RAB7B: variants seen among roughly 807,000 people sequenced by gnomAD.
The protein encoded by RAB7B is ras-related protein Rab-7b.
In RAB7B at chr1:205,993,381, G is replaced by A. The variant is rs1660757756; in HGVS notation, c.180+39C>T. 30 of 398,372 alleles carry A rather than the reference G, an allele frequency of 7.5e-5. No homozygotes were observed. In the East Asian group the frequency reaches 1.1e-3, roughly 14 times the overall value. 24.7% of individuals were successfully genotyped at this position (398,372 alleles called of 1,614,324 possible). ...TGTCCGGGCTTGGGGGGGATTTTCAGTGTATGTATGTTGAAGAGGGAAAAG... is the reference window on the plus strand; with the variant it reads ...TGTCCGGGCTTGGGGGGGATTTTCAATGTATGTATGTTGAAGAGGGAAAAG... On this transcript the variant is annotated intron_variant, in intron 3 of 5. Coordinates refer to ENST00000617070, the MANE Select transcript of RAB7B (RefSeq NM_001164522.3).
chr1:205,997,409 G>C (rs1660824189), intron 1 of RAB7B, among the ~76,000 whole-genome samples: 1 of 152,184 alleles, frequency 6.6e-6, no homozygotes, highest in East Asian at 1.9e-4. Flanking sequence ...GTTGGGGAGG[G>C]AATGAAATAA....
At chr1:205,985,754 G>GGCCCACCAA (rs1660584925) in intron 4 of RAB7B, 89 bp from the exon 5 acceptor site, 13 of 308,472 alleles carry the variant, frequency 4.2e-5, no homozygotes, top group South Asian at 1.5e-4. Flanking sequence ...ATCCCCATCA[G>GGCCCACCAA]GCCCACCATC....
intron 1 of RAB7B, among the ~76,000 whole-genome samples, chr1:205,997,787 C>T (rs1660828157): frequency 6.6e-6 from 1 of 152,142 alleles, no homozygotes. Flanking sequence ...AAGCTGTTTC[C>T]TAAAGGCATT....
At chr1:205,990,670 G>A (rs1398416676) in intron 4 of RAB7B, among the ~76,000 whole-genome samples, 3 of 152,208 alleles carry the variant, frequency 2.0e-5, no homozygotes, top group Non-Finnish European at 4.4e-5. Context: ...CCTTGTCATG[G>A]GAGGTACAGC....
rs1357718657 is a variant in RAB7B at position 205,995,575 on chromosome 1, CA to C, written c.-16-1425del. ...CTGTTCAGCTTTAAAAAAAAACTTA[CA>C]ATTTATGACAACATGGGTAAACCTG... On this transcript the variant is annotated intron_variant, in intron 1 of 5. Coordinates refer to ENST00000617070, the MANE Select transcript of RAB7B (RefSeq NM_001164522.3). Among the ~76,000 whole-genome samples the C allele has an allele frequency of 3.4e-3, 515 of 152,170 alleles. 3 individuals are homozygous for C. Among genetic ancestry groups the C allele is most frequent in the African/African-American group, 0.012 (501 of 41,508 alleles).
chr1:205,978,950 G>A (rs1055219109), intron 5 of RAB7B, 22 bp from the exon 6 acceptor site: 22,022 of 398,666 alleles, frequency 0.055, 720 homozygotes, highest in Non-Finnish European at 0.073. Flanking sequence ...AAGAGAGGCC[G>A]GCATTCATGT....
intron 5 of RAB7B, among the ~76,000 whole-genome samples, chr1:205,980,208 G>C (rs1443464278): frequency 6.6e-6 from 1 of 152,194 alleles, no homozygotes; most frequent in Non-Finnish European, 1.5e-5. Flanking sequence ...CCCCCACCCT[G>C]GTAGGATCTT....
At chr1:205,999,699 A>G (rs1047793742) in intron 1 of RAB7B, among the ~76,000 whole-genome samples, 3 of 152,242 alleles carry the variant, frequency 2.0e-5, no homozygotes, top group South Asian at 4.1e-4. Context: ...CTGTCCATCA[A>G]TATGACACTC....
intron 4 of RAB7B, among the ~76,000 whole-genome samples, chr1:205,987,667 G>A (rs1660634887): frequency 6.6e-6 from 1 of 152,164 alleles, no homozygotes; most frequent in Non-Finnish European, 1.5e-5. Context: ...CCTGAGCACA[G>A]AGCAAATAAT....
intron 5 of RAB7B, among the ~76,000 whole-genome samples, chr1:205,979,304 C>T (rs1660443870): frequency 1.3e-5 from 2 of 152,286 alleles, no homozygotes; most frequent in East Asian, 3.9e-4. Flanking sequence ...TATCCCAATA[C>T]CCCCAACCTC....
At chr1:205,989,955 T>C (rs1277727381) in intron 4 of RAB7B, among the ~76,000 whole-genome samples, 1 of 152,130 alleles carries the variant, frequency 6.6e-6, no homozygotes, top group African/African-American at 2.4e-5. Flanking sequence ...TTAAGCCTCG[T>C]ATTGGTTTCC....
chr1:205,979,814 T>A (rs1660455821), intron 5 of RAB7B, among the ~76,000 whole-genome samples: 1 of 152,194 alleles, frequency 6.6e-6, no homozygotes, highest in Non-Finnish European at 1.5e-5. Context: ...GCATCCTGTG[T>A]ATCACGCAAA....
intron 1 of RAB7B, 189 bp from the exon 2 acceptor site, chr1:205,994,340 G>A (rs1660774652): frequency 2.8e-6 from 1 of 357,256 alleles, no homozygotes; most frequent in Middle Eastern, 7.3e-4. Context: ...TTTCCCTGGG[G>A]GCCTCCCCAA....
intron 5 of RAB7B, among the ~76,000 whole-genome samples, chr1:205,980,065 C>T (rs1660460621): frequency 6.6e-6 from 1 of 152,230 alleles, no homozygotes; most frequent in Non-Finnish European, 1.5e-5. Flanking sequence ...AGAAGATCCT[C>T]TGACACCCCA....
chr1:205,981,439 A>AC (rs1436926484), intron 5 of RAB7B, among the ~76,000 whole-genome samples: 13 of 152,224 alleles, frequency 8.5e-5, no homozygotes, highest in Non-Finnish European at 1.6e-4. Context: ...GGTCTCTTTC[A>AC]GATAATTAAC....
chr1:205,998,439 A>T (rs1037632975), intron 1 of RAB7B, among the ~76,000 whole-genome samples: 19 of 152,234 alleles, frequency 1.2e-4, no homozygotes, highest in African/African-American at 4.6e-4. Flanking sequence ...AACCCATGGA[A>T]TCTGTGTGCA....
At chr1:205,979,225 G>T (rs937951479) in intron 5 of RAB7B, among the ~76,000 whole-genome samples, 2 of 152,286 alleles carry the variant, frequency 1.3e-5, no homozygotes, top group Middle Eastern at 3.4e-3. Flanking sequence ...GACAGCTGAG[G>T]TGTCATTTGG....
At chr1:205,995,750 G>A (rs1352101042) in intron 1 of RAB7B, among the ~76,000 whole-genome samples, 1 of 152,178 alleles carries the variant, frequency 6.6e-6, no homozygotes, top group Non-Finnish European at 1.5e-5. Context: ...CAGTTGGGGA[G>A]ATGTTAGAGG....
At chr1:205,980,438 A>G (rs1451850077) in intron 5 of RAB7B, among the ~76,000 whole-genome samples, 1 of 152,232 alleles carries the variant, frequency 6.6e-6, no homozygotes, top group African/African-American at 2.4e-5. Context: ...CCAGGCCATA[A>G]TTAGGTTTCT....
Sources: allele counts gnomAD v4.1 joint callset (sites outside exome capture counted in the v4.1 genomes callset), GRCh38; gene constraint gnomAD v4.1.1; transcripts MANE v1.5; gene names NCBI Gene and HGNC (gene_info 2026-07-23, HGNC 2026-07-21).